The following IL17RC variants were observed in gnomAD, a reference collection of about 807,000 sequenced individuals.
IL17RC encodes the protein interleukin 17 receptor C, also known as interleukin-17 receptor C.
IL17RC carries 53 observed loss-of-function variants against 86.7 expected under a neutral mutation model. That is an observed-to-expected ratio of 0.61 (90% CI 0.49 to 0.77). The LOEUF (loss-of-function observed/expected upper bound fraction) is 0.77, where lower values mean the gene tolerates loss of function less well. Among genes scored for constraint, IL17RC ranks in the 30% least tolerant of loss-of-function variants. IL17RC has a pLI of 0.00. For missense variants in IL17RC, 957 were observed against 940.0 expected (o/e 1.02, Z -0.24); for synonymous variants, 439 against 413.1 (o/e 1.06, Z -0.76).
intron 8 of IL17RC, 92 bp from the exon 9 acceptor site, chr3:9,924,140 G>A: frequency 6.2e-7 from 1 of 1,607,696 alleles, no homozygotes; most frequent in Non-Finnish European, 8.5e-7. Context: ...GAAAATTGGT[G>A]GGGGAACTTC....
chr3:9,924,064 T>C, intron 8 of IL17RC, 44 bp downstream of exon 8: 2 of 1,611,758 alleles, frequency 1.2e-6, no homozygotes, highest in Non-Finnish European at 1.7e-6. Flanking sequence ...TGTAGGCCGA[T>C]GCCTGTGCAA....
chr3:9,921,693 C>T (rs1165664340), intron 7 of IL17RC, among the ~76,000 whole-genome samples: 2 of 148,452 alleles, frequency 1.3e-5, no homozygotes, highest in South Asian at 2.1e-4. Flanking sequence ...GGTGCAATCT[C>T]GGCTCACTGC....
rs1410466445 is a variant in IL17RC, at chr3:9,918,016, G to A, written c.221G>A (p.Cys74Tyr). Residue 74 changes from cysteine to tyrosine, a missense_variant, in exon 3 of 19, where the codon TGC becomes TAC. Transcript: ENST00000403601. ...THLQTELVLR[C>Y]QKETDCDLCL... ...CTGCAGACAGAGCTGGTGCTGAGGT[G>A]CCAGAAGGAGACCGACTGTGACCTC... 5 of 1,612,948 alleles carry A rather than the reference G, an allele frequency of 3.1e-6. No homozygotes were observed. Among genetic ancestry groups the A allele is most frequent in the Non-Finnish European group, 3.4e-6 (4 of 1,179,528 alleles).
Position 9,917,744 on chromosome 3 carries a change from C to T in IL17RC, c.127+10C>T, listed in dbSNP as rs747559069. 3.1e-6 allele frequency: 5 copies of T among 1,613,654 alleles called. No homozygotes were observed. The South Asian group carries it at 5.5e-5, about 18-fold the overall frequency. On this transcript the variant is annotated intron_variant, in intron 2 of 18. Transcript: ENST00000403601. ...TCCTGCCGCCTCTGGGGTAAGTATC[C>T]CTACTTTTAAAAAGAATTTCCCAGG...
At chr3:9,931,018 G>A in intron 16 of IL17RC, 75 bp downstream of exon 16, 1 of 1,160,648 alleles carries the variant, frequency 8.6e-7, no homozygotes, top group Non-Finnish European at 1.3e-6. Context: ...CTTGGGCACA[G>A]CACATGCAAT....
At chr3:9,918,434 C>G (rs775634289) in intron 4 of IL17RC, 25 bp downstream of exon 4, 2 of 1,611,496 alleles carry the variant, frequency 1.2e-6, no homozygotes, top group Admixed American at 1.7e-5. Flanking sequence ...GCTGGCCCAA[C>G]TGCCCCATGC....
chr3:9,920,843 TG>T, intron 6 of IL17RC, 81 bp from the exon 7 acceptor site: 1 of 1,096,994 alleles, frequency 9.1e-7, no homozygotes, highest in Non-Finnish European at 1.3e-6. Context: ...CCATTCCTAA[TG>T]CCCCCCTGGG....
chr3:9,925,669 A>C (rs2083992798), intron 9 of IL17RC, among the ~76,000 whole-genome samples: 1 of 151,838 alleles, frequency 6.6e-6, no homozygotes, highest in Non-Finnish European at 1.5e-5. Flanking sequence ...GAACATTGTT[A>C]CATCCAGTGG....
chr3:9,918,705 A>G, intron 5 of IL17RC, 96 bp downstream of exon 5: 1 of 853,008 alleles, frequency 1.2e-6, no homozygotes, highest in Non-Finnish European at 1.9e-6. Context: ...AATTAAATTT[A>G]TTGAAACCCT....
Position 9,930,697 on chromosome 3 carries a change from T to C in IL17RC, c.1339-198T>C. 1.5e-6 allele frequency: 1 copy of C among 675,058 alleles called. No homozygotes were observed. 41.8% of individuals were successfully genotyped at this position (675,058 alleles called of 1,614,324 possible). On this transcript the variant is annotated intron_variant, in intron 15 of 18. Transcript: ENST00000403601. The surrounding 1 kb of genome is among the most constrained non-coding windows in gnomAD (Gnocchi z 5.8). ...GGGAGAGCTTCCGGGAAGAATTTCT[T>C]CCTATAAGCCAGATTTGGTATGGAA...
Position 9,933,254 on chromosome 3 carries a change from C to T in IL17RC, c.1824C>T (p.Ala608=). The T allele has an allele frequency of 6.2e-7, 1 of 1,604,392 alleles. No individual in the cohort carries two copies. The change falls in exon 19 of 19, where the codon GCC becomes GCT. Residue 608 remains alanine (A), a synonymous_variant. Coordinates refer to ENST00000403601, the MANE Select transcript of IL17RC (RefSeq NM_153460.4). ...SGPGAHGPHD[A]FRASLSCVLP... ...CCGGGGCGCACGGCCCGCACGACGC[C>T]TTCCGCGCCTCGCTCAGCTGCGTGC...
intron 5 of IL17RC, among the ~76,000 whole-genome samples, chr3:9,919,527 A>T (rs2083375613): frequency 6.6e-6 from 1 of 151,876 alleles, no homozygotes; most frequent in Non-Finnish European, 1.5e-5. Context: ...GCGCCTGTAG[A>T]CCCAGCTACT....
chr3:9,923,553 A>G (rs796728755), intron 7 of IL17RC, among the ~76,000 whole-genome samples: 5 of 152,238 alleles, frequency 3.3e-5, no homozygotes, highest in African/African-American at 1.2e-4. Context: ...CCCTCTCAAA[A>G]AAAAAAAAGG....
intron 16 of IL17RC, 62 bp from the exon 17 acceptor site, chr3:9,932,544 TAA>T: frequency 6.9e-7 from 1 of 1,439,472 alleles, no homozygotes; most frequent in South Asian, 1.1e-5. Context: ...TCATTTCTGT[TAA>T]GTCTCAGTTT....
chr3:9,918,312 G>T, intron 3 of IL17RC, 23 bp from the exon 4 acceptor site: 1 of 1,556,730 alleles, frequency 6.4e-7, no homozygotes, highest in Non-Finnish European at 8.7e-7. Context: ...CTCACCCAGG[G>T]CCTTGCTCTT....
At chr3:9,921,611 G>A (rs1348109538) in intron 7 of IL17RC, among the ~76,000 whole-genome samples, 1 of 147,662 alleles carries the variant, frequency 6.8e-6, no homozygotes, top group African/African-American at 2.5e-5. Context: ...AGTATGTAAA[G>A]GGTACTGATT....
In IL17RC at chr3:9,930,901, G is replaced by A; in HGVS notation, c.1345G>A (p.Asp449Asn). ...TTCTGTTTGTATCTTACAGCTATGG[G>A]ACGATGACTTGGGAGCGCTATGGGC... ...LQSGQCLQLW[D>N]DDLGALWACP... The change falls in exon 16 of 19, where the codon GAC (aspartate) becomes AAC (asparagine). Residue 449 changes from aspartate to asparagine, a missense_variant. By Grantham distance (23) the Asp-to-Asn change is conservative. Coordinates refer to ENST00000403601, the MANE Select transcript of IL17RC (RefSeq NM_153460.4). This position sits in a 1 kb window ranked among gnomAD's most constrained non-coding sequence, Gnocchi z 5.8. 3 of 1,614,106 alleles carry A rather than the reference G, an allele frequency of 1.9e-6. No homozygotes were observed. The highest frequency in any genetic ancestry group is 2.5e-6 in the Non-Finnish European group (3 of 1,179,944).
At chr3:9,921,083 T>TATTC (rs34198416) in intron 7 of IL17RC, 114 bp downstream of exon 7, 279 of 573,528 alleles carry the variant, frequency 4.9e-4, no homozygotes, top group African/African-American at 3.9e-3. Context: ...TCACAGAACA[T>TATTC]ATTCATTCAT....
intron 16 of IL17RC, 70 bp downstream of exon 16, chr3:9,931,013 G>C (rs2125283785): frequency 8.2e-7 from 1 of 1,212,680 alleles, no homozygotes; most frequent in African/African-American, 1.5e-5. Flanking sequence ...CCACTCTTGG[G>C]CACAGCACAT....
Sources: gnomAD v4.1 joint callset for allele counts (sites outside exome capture counted in the v4.1 genomes callset) on GRCh38, gnomAD v4.1.1 for gene constraint, Gnocchi (gnomAD v3.1) non-coding constraint, MANE v1.5 for transcripts, NCBI Gene and HGNC (gene_info 2026-07-23, HGNC 2026-07-21) for gene names.